Variants in EPHA6 observed in about 807,000 individuals in gnomAD.
EPHA6 encodes ephrin type-A receptor 6.
Under a neutral mutation model 112.0 loss-of-function variants are expected in EPHA6, and 50 were observed. That is an observed-to-expected ratio of 0.45 (90% CI 0.36 to 0.56). EPHA6 has a LOEUF of 0.56. Ranked by LOEUF, EPHA6 falls within the 20% of genes least tolerant of loss-of-function variation. The pLI, the probability that EPHA6 is intolerant of heterozygous loss-of-function variation, is 0.00. For missense variants in EPHA6, 1,280 were observed against 1,417.4 expected, an observed-to-expected ratio of 0.90 and a Z score of 1.56; for synonymous variants, 529 against 490.7, an observed-to-expected ratio of 1.08 and a Z score of -1.03.
At chr3:97,453,167 G>T (rs2090581804) in intron 7 of EPHA6, among the ~76,000 whole-genome samples, 1 of 151,620 alleles carries the variant, frequency 6.6e-6, no homozygotes, top group Admixed American at 6.6e-5. Flanking sequence ...AATGTATTCT[G>T]CTAGATTGTA....
chr3:97,225,753 G>A (rs867127952), intron 3 of EPHA6, among the ~76,000 whole-genome samples: 1 of 151,948 alleles, frequency 6.6e-6, no homozygotes, highest in Non-Finnish European at 1.5e-5. Context: ...TAGAGTTACA[G>A]CATATACAAA....
chr3:97,492,909 T>C (rs1257069058), intron 10 of EPHA6, among the ~76,000 whole-genome samples: 3 of 151,832 alleles, frequency 2.0e-5, no homozygotes, highest in African/African-American at 7.3e-5. Flanking sequence ...CGTTTTCAAG[T>C]ATTTAGAGCT....
At chr3:97,491,718 C>T (rs2091843643) in intron 10 of EPHA6, among the ~76,000 whole-genome samples, 1 of 151,458 alleles carries the variant, frequency 6.6e-6, no homozygotes, top group African/African-American at 2.4e-5. Context: ...TCATAGAGAC[C>T]CAGTCATCCC....
chr3:97,636,113 C>T (rs927319740), intron 13 of EPHA6, among the ~76,000 whole-genome samples: 1 of 152,026 alleles, frequency 6.6e-6, no homozygotes, highest in African/African-American at 2.4e-5. Context: ...CTATTCTCAT[C>T]GTGTAGATAA....
chr3:97,761,071 A>G lies in EPHA6; in HGVS notation c.*12370A>G, dbSNP rs912626821. 1 of 208,502 alleles carries G rather than the reference A, an allele frequency of 4.8e-6. No individual in the cohort carries two copies. The highest frequency in any genetic ancestry group is 5.9e-5 in the Admixed American group (1 of 16,906). 12.9% of individuals were successfully genotyped at this position (208,502 alleles called of 1,614,324 possible). On this transcript the variant is annotated 3_prime_UTR_variant, in exon 18 of 18. Coordinates refer to ENST00000389672, the MANE Select transcript of EPHA6 (RefSeq NM_001080448.3). ...TCTCTTTTCTGGTTATAATCACAAT[A>G]TGGTAGAGCTATAAACAAGGTAAAA...
At chr3:97,386,637 C>G (rs977191057) in intron 5 of EPHA6, among the ~76,000 whole-genome samples, 5 of 152,200 alleles carry the variant, frequency 3.3e-5, no homozygotes, top group Non-Finnish European at 7.3e-5. Flanking sequence ...TTTCCAGGCA[C>G]ACAGTACAAA....
rs2094130371 is a variant in EPHA6, at chr3:97,655,137, CATACAT to C, written c.2784+17059_2784+17064del. Among the ~76,000 whole-genome samples the C allele has an allele frequency of 6.8e-5, 10 of 147,962 alleles. No homozygotes were observed. In the South Asian group the frequency reaches 2.1e-3, roughly 31 times the overall value. ...ATTATATATTTTATATATATATACA[CATACAT>C]ATATATGTTTTTTGTGTATGTTTTG... On this transcript the variant is annotated intron_variant, in intron 14 of 17. Coordinates refer to ENST00000389672, the MANE Select transcript of EPHA6 (RefSeq NM_001080448.3).
intron 3 of EPHA6, among the ~76,000 whole-genome samples, chr3:97,187,061 T>C (rs1307650373): frequency 6.6e-6 from 1 of 152,174 alleles, no homozygotes; most frequent in East Asian, 1.9e-4. Context: ...CTAAGTTATG[T>C]TGTCATAAGA....
intron 2 of EPHA6, among the ~76,000 whole-genome samples, chr3:96,944,609 A>G (rs1342161047): frequency 6.6e-6 from 1 of 152,218 alleles, no homozygotes; most frequent in Non-Finnish European, 1.5e-5. Flanking sequence ...CTGTAATCCC[A>G]GCACTTTGGG....
At chr3:97,656,341 T>C (rs1267984287) in intron 14 of EPHA6, among the ~76,000 whole-genome samples, 2 of 151,888 alleles carry the variant, frequency 1.3e-5, no homozygotes, top group Admixed American at 1.3e-4. Flanking sequence ...AATGGAATTC[T>C]GGTCAATATT....
intron 6 of EPHA6, among the ~76,000 whole-genome samples, chr3:97,437,522 A>C (rs978312165): frequency 1.3e-5 from 2 of 152,120 alleles, no homozygotes; most frequent in African/African-American, 4.8e-5. Context: ...TTTGTTGCTA[A>C]GTTATGCTAA....
intron 3 of EPHA6, among the ~76,000 whole-genome samples, chr3:97,012,711 C>T (rs1356070428): frequency 3.3e-5 from 5 of 150,184 alleles, no homozygotes; most frequent in African/African-American, 7.3e-5. Flanking sequence ...CTGCCCCCCT[C>T]GGCCTCTCAA....
chr3:97,296,430 A>C (rs1357787212), intron 5 of EPHA6, among the ~76,000 whole-genome samples: 2 of 152,184 alleles, frequency 1.3e-5, no homozygotes, highest in Non-Finnish European at 2.9e-5. Flanking sequence ...TGGGCAGTGC[A>C]AAGTGATCCT....
chr3:97,593,751 T>G (rs959671117), intron 12 of EPHA6, among the ~76,000 whole-genome samples: 10 of 152,206 alleles, frequency 6.6e-5, no homozygotes, highest in Non-Finnish European at 1.5e-4. Context: ...CAATTACTCT[T>G]TTCTACTTAA....
intron 2 of EPHA6, among the ~76,000 whole-genome samples, chr3:96,938,198 C>G (rs1395627631): frequency 1.3e-5 from 2 of 152,090 alleles, no homozygotes; most frequent in Non-Finnish European, 1.5e-5. Flanking sequence ...TTACCTTGGG[C>G]AGTATGGCCA....
At position 97,081,198 on chromosome 3, in the gene EPHA6, G is replaced by C. The variant is rs2046709004; in HGVS notation, c.1114+93205G>C. Among the ~76,000 whole-genome samples the C allele has an allele frequency of 2.0e-5, 3 of 151,776 alleles. No homozygotes were observed. In the South Asian group the frequency reaches 6.2e-4, roughly 32 times the overall value. ...AACAGATAAGAATGCAGAATTAACA[G>C]GTCTATTGAAATTAGGCAGGAACTG... On this transcript the variant is annotated intron_variant, in intron 3 of 17. Transcript: ENST00000389672.
intron 14 of EPHA6, among the ~76,000 whole-genome samples, chr3:97,644,936 A>T (rs1373798111): frequency 6.6e-6 from 1 of 152,066 alleles, no homozygotes; most frequent in Non-Finnish European, 1.5e-5. Context: ...AACTCATTTT[A>T]TGAGGCCAGC....
chr3:97,157,856 A>G (rs747456545), intron 3 of EPHA6, among the ~76,000 whole-genome samples: 1 of 152,180 alleles, frequency 6.6e-6, no homozygotes, highest in African/African-American at 2.4e-5. Flanking sequence ...TACTGATTCA[A>G]ATGTTTATCT....
At chr3:97,409,827 AT>A (rs1435188727) in intron 6 of EPHA6, among the ~76,000 whole-genome samples, 3 of 152,074 alleles carry the variant, frequency 2.0e-5, no homozygotes, top group Middle Eastern at 3.2e-3. Context: ...CAGTTTTTAG[AT>A]TTTAAGAAAA....
Sources: gnomAD v4.1 joint callset for allele counts (sites outside exome capture counted in the v4.1 genomes callset) on GRCh38, gnomAD v4.1.1 for gene constraint, MANE v1.5 for transcripts, NCBI Gene and HGNC (gene_info 2026-07-23, HGNC 2026-07-21) for gene names.